DGKH: variants seen among roughly 807,000 people sequenced by gnomAD.
DGKH encodes the protein DAG kinase eta.
DGKH carries 90 observed loss-of-function variants against 159.3 expected under a neutral mutation model. The ratio of observed to expected loss-of-function variants is 0.57; its 90% confidence interval spans 0.48 to 0.67. The LOEUF is 0.67. DGKH is among the 30% of genes least tolerant of loss of function. The probability of loss-of-function intolerance (pLI) is 0.00; values close to 1 mark genes in which losing one functional copy is unlikely to be tolerated. For synonymous variants in DGKH, 536 were observed against 553.8 expected (o/e 0.97, Z 0.45); for missense variants, 1,181 against 1,506.1 (o/e 0.78, Z 3.57).
chr13:42,129,910 A>C (rs575068167), intron 3 of DGKH, among the ~76,000 whole-genome samples: 1 of 152,116 alleles, frequency 6.6e-6, no homozygotes, highest in Non-Finnish European at 1.5e-5. Context: ...TAATACTTCA[A>C]TTAATTCCAT....
In DGKH at chr13:42,127,575, T is replaced by C. The variant is rs1444254900; in HGVS notation, c.303+2T>C. On this transcript the variant is annotated splice_donor_variant, in intron 2 of 29. Transcript: ENST00000337343. LOFTEE classifies it high-confidence loss of function. ...CTTTACTATGCAAAGGACTCAAAGG[T>C]AACTCACGAGAATACTAGTTTCAAG... is the stretch of plus-strand genomic sequence containing the variant. The C allele has an allele frequency of 6.2e-7, 1 of 1,612,374 alleles. No individual in the cohort carries two copies. The highest frequency in any genetic ancestry group is 2.2e-5 in the East Asian group (1 of 44,824).
rs1338272681 is a variant in DGKH at position 42,230,933 on chromosome 13, T to C, written c.*1745T>C. On this transcript the variant is annotated 3_prime_UTR_variant, in exon 30 of 30. Coordinates refer to ENST00000337343, the MANE Select transcript of DGKH (RefSeq NM_178009.5). ...TTGGGTATTTAACTACTAGTAAAAA[T>C]CACAAAATTTTAATGTCTTTAAAAT... 1 of 152,142 alleles carries C rather than the reference T, an allele frequency of 6.6e-6. No homozygotes were observed. The highest frequency in any genetic ancestry group is 2.1e-4 in the South Asian group (1 of 4,828). The allele number at this position is 152,142 out of a possible 1,614,324, so 9.4% of individuals were successfully genotyped here.
chr13:42,234,229 A>G lies in DGKH; in HGVS notation c.*5041A>G, dbSNP rs543270826. ...TATTGATATAATGTACCAAAACACA[A>G]TTGCCTAGAGATGCTTTAGCTAATT... On this transcript the variant is annotated 3_prime_UTR_variant, in exon 30 of 30. Transcript: ENST00000337343. 2 of 152,298 alleles carry G rather than the reference A, an allele frequency of 1.3e-5. No homozygotes were observed. Among genetic ancestry groups the G allele is most frequent in the Admixed American group, 1.3e-4 (2 of 15,300 alleles). 9.4% of individuals were successfully genotyped at this position (152,298 alleles called of 1,614,324 possible).
chr13:42,138,580 T>C (rs1955456362), intron 3 of DGKH, among the ~76,000 whole-genome samples: 1 of 152,192 alleles, frequency 6.6e-6, no homozygotes, highest in Non-Finnish European at 1.5e-5. Context: ...CAAAAAGTAT[T>C]AGGTCATGTT....
chr13:42,148,723 A>G (rs1955799589), intron 3 of DGKH, among the ~76,000 whole-genome samples: 1 of 151,970 alleles, frequency 6.6e-6, no homozygotes, highest in Non-Finnish European at 1.5e-5. Flanking sequence ...GTTCCTCATA[A>G]TTGCCCCTCT....
At chr13:42,140,614 G>C (rs1346979837) in intron 3 of DGKH, 1 of 152,202 alleles carries the variant, frequency 6.6e-6, no homozygotes, top group African/African-American at 2.4e-5. Context: ...GCTATGCAGA[G>C]TGCTATGAAG....
chr13:42,067,608 A>G (rs1882671150), intron 1 of DGKH, among the ~76,000 whole-genome samples: 1 of 152,094 alleles, frequency 6.6e-6, no homozygotes, highest in African/African-American at 2.4e-5. Context: ...ATTTTATATT[A>G]CCTCTTAATC....
In DGKH at chr13:42,234,274, A is replaced by AT. The variant is rs1421945017; in HGVS notation, c.*5087dup. The stretch of plus-strand genomic sequence containing the variant: ...CTAATTTTTATTAATAAAGAGGACA[A>AT]TATTTTTGTCTTCATGGAACTTATT... On this transcript the variant is annotated 3_prime_UTR_variant, in exon 30 of 30. Transcript: ENST00000337343. The AT allele has an allele frequency of 6.6e-6, 1 of 152,216 alleles. No individual in the cohort carries two copies. The highest frequency in any genetic ancestry group is 1.5e-5 in the Non-Finnish European group (1 of 68,048). 9.4% of individuals were successfully genotyped at this position (152,216 alleles called of 1,614,324 possible).
rs1004608649 is a variant in DGKH, at chr13:42,080,876, T to C, written c.192+31911T>C. Among the ~76,000 whole-genome samples the C allele has an allele frequency of 4.6e-5, 7 of 152,270 alleles. No individual in the cohort carries two copies. The South Asian group carries it at 8.3e-4, about 18-fold the overall frequency. The stretch of plus-strand genomic sequence containing the variant: ...TAAGATTTTATTTGAAAAAAGAGGC[T>C]TTATTGAATTTAATAGTTTAGAACT... On this transcript the variant is annotated intron_variant, in intron 1 of 29. Coordinates refer to ENST00000337343, the MANE Select transcript of DGKH (RefSeq NM_178009.5).
chr13:42,089,873 A>G (rs1042887423), intron 1 of DGKH, among the ~76,000 whole-genome samples: 28 of 152,164 alleles, frequency 1.8e-4, no homozygotes, highest in African/African-American at 6.5e-4. Context: ...TACTCTGCCT[A>G]CTACATTTTA....
At chr13:42,198,907 G>C (rs1326788602) in intron 18 of DGKH, among the ~76,000 whole-genome samples, 1 of 152,076 alleles carries the variant, frequency 6.6e-6, no homozygotes, top group Non-Finnish European at 1.5e-5. Context: ...AGTCTTGCCA[G>C]ATCTGTCATC....
At position 42,206,071 on chromosome 13, in the gene DGKH, G is replaced by A; in HGVS notation, c.2526G>A (p.Leu842=). 1 of 1,427,072 alleles carries A rather than the reference G, an allele frequency of 7.0e-7. No homozygotes were observed. The highest frequency in any genetic ancestry group is 9.2e-7 in the Non-Finnish European group (1 of 1,083,528). The allele number at this position is 1,427,072 out of a possible 1,614,324, so 88.4% of individuals were successfully genotyped here. ...GGCAGTATATTCCTCTTCCCAGCTTGCAAGGCATAGCCGTGTTGAACATTC... is the reference window on the plus strand; with the variant it reads ...GGCAGTATATTCCTCTTCCCAGCTTACAAGGCATAGCCGTGTTGAACATTC... The part of the protein sequence containing the change: ...CDGQYIPLPS[L]QGIAVLNIPS... The change falls in exon 21 of 30, where the codon TTG becomes TTA. Residue 842 remains leucine, a synonymous_variant. Coordinates refer to ENST00000337343, the MANE Select transcript of DGKH (RefSeq NM_178009.5).
At chr13:42,172,023 T>C (rs1956471081) in intron 11 of DGKH, among the ~76,000 whole-genome samples, 2 of 151,878 alleles carry the variant, frequency 1.3e-5, no homozygotes, top group African/African-American at 4.8e-5. Context: ...AGAGACGGGG[T>C]TTCACCATGT....
intron 13 of DGKH, among the ~76,000 whole-genome samples, chr13:42,184,816 A>G (rs1366931283): frequency 6.6e-6 from 1 of 151,896 alleles, no homozygotes; most frequent in African/African-American, 2.4e-5. Flanking sequence ...GCAGTTACCT[A>G]TGATCACACC....
intron 29 of DGKH, among the ~76,000 whole-genome samples, chr13:42,227,036 T>G (rs1409790834): frequency 1.3e-5 from 2 of 151,986 alleles, no homozygotes; most frequent in Non-Finnish European, 2.9e-5. Flanking sequence ...CACACGTTCT[T>G]GTAAGTGGGA....
intron 23 of DGKH, 38 bp from the exon 24 acceptor site, chr13:42,210,564 C>A: frequency 1.3e-6 from 2 of 1,593,030 alleles, no homozygotes; most frequent in South Asian, 1.1e-5. Context: ...CCTCTGAGTT[C>A]TAAACTAACA....
chr13:42,210,143 T>C (rs1206781342), intron 23 of DGKH, among the ~76,000 whole-genome samples: 1 of 151,812 alleles, frequency 6.6e-6, no homozygotes, highest in Non-Finnish European at 1.5e-5. Context: ...ATTGAAGCAA[T>C]AGTAAAGATT....
downstream of DGKH, among the ~76,000 whole-genome samples, chr13:42,245,914 G>A (rs1293234748): frequency 6.6e-6 from 1 of 152,162 alleles, no homozygotes; most frequent in Non-Finnish European, 1.5e-5. Context: ...TGAAGGGCTA[G>A]CTGAATCATC....
intron 30 of DGKH, among the ~76,000 whole-genome samples, chr13:42,252,635 A>G (rs1958628406): frequency 6.6e-6 from 1 of 152,192 alleles, no homozygotes; most frequent in Non-Finnish European, 1.5e-5. Context: ...TCAGGCTTGA[A>G]GGTAAGCTCC....
Sources: gnomAD v4.1 joint callset for allele counts (sites outside exome capture counted in the v4.1 genomes callset) on GRCh38, gnomAD v4.1.1 for gene constraint, MANE v1.5 for transcripts, NCBI Gene and HGNC (gene_info 2026-07-23, HGNC 2026-07-21) for gene names.